The following ROBO2 variants were observed in gnomAD, a reference collection of about 807,000 sequenced individuals.
ROBO2 encodes the protein roundabout homolog 2.
ROBO2 carries 53 observed loss-of-function variants against 160.8 expected under a neutral mutation model. That is an observed-to-expected ratio of 0.33 (90% confidence interval 0.26 to 0.41). The LOEUF (loss-of-function observed/expected upper bound fraction) is 0.41. Among genes scored for constraint, ROBO2 ranks in the 10% least tolerant of loss-of-function variants. ROBO2 has a pLI of 1.00. For missense variants in ROBO2, 1,577 were observed against 1,722.4 expected (o/e 0.92, Z 1.49); for synonymous variants, 664 against 611.7 (o/e 1.09, Z -1.26).
At chr3:77,158,558 C>A (rs2078213714) in intron 2 of ROBO2, among the ~76,000 whole-genome samples, 1 of 151,834 alleles carries the variant, frequency 6.6e-6, no homozygotes, top group Non-Finnish European at 1.5e-5. Context: ...AAGAATAGGG[C>A]CAGGGGATAA....
chr3:76,755,891 T>A (rs1240470846), intron 2 of ROBO2, among the ~76,000 whole-genome samples: 1 of 151,880 alleles, frequency 6.6e-6, no homozygotes, highest in Non-Finnish European at 1.5e-5. Flanking sequence ...CCAACCATTG[T>A]ATCCCTTCCT....
At chr3:75,937,841 T>A (rs796908932) in intron 2 of ROBO2, among the ~76,000 whole-genome samples, 12 of 105,528 alleles carry the variant, frequency 1.1e-4, no homozygotes, top group African/African-American at 5.0e-4. Context: ...GGAATTGATT[T>A]TATATATATA....
At chr3:76,647,065 G>C (rs1172625829) in intron 2 of ROBO2, among the ~76,000 whole-genome samples, 2 of 152,076 alleles carry the variant, frequency 1.3e-5, no homozygotes, top group African/African-American at 4.8e-5. Context: ...AAAAAGGGGA[G>C]GGCCCTATGA....
chr3:76,140,300 T>A (rs2071582588), intron 2 of ROBO2, among the ~76,000 whole-genome samples: 1 of 152,078 alleles, frequency 6.6e-6, no homozygotes, highest in African/African-American at 2.4e-5. Context: ...TTATAAATAA[T>A]ATTGTCTAAA....
chr3:76,662,040 A>C (rs2091843884), intron 2 of ROBO2, among the ~76,000 whole-genome samples: 1 of 152,118 alleles, frequency 6.6e-6, no homozygotes. Flanking sequence ...GTTCATTTTA[A>C]TGTTAACGCT....
chr3:76,745,774 C>G (rs530377600), intron 2 of ROBO2, among the ~76,000 whole-genome samples: 20 of 149,836 alleles, frequency 1.3e-4, no homozygotes, highest in African/African-American at 3.9e-4. Context: ...TAAAAATACT[C>G]AAATAATTTT....
intron 2 of ROBO2, among the ~76,000 whole-genome samples, chr3:76,036,888 T>C (rs1281840532): frequency 6.6e-6 from 1 of 152,030 alleles, no homozygotes; most frequent in Non-Finnish European, 1.5e-5. Context: ...AAAATTAAGA[T>C]AAACCTTTCC....
intron 2 of ROBO2, among the ~76,000 whole-genome samples, chr3:76,479,352 A>C (rs1461679494): frequency 6.6e-6 from 1 of 152,172 alleles, no homozygotes; most frequent in East Asian, 1.9e-4. Flanking sequence ...ATTTTTGCCT[A>C]AACTTCAAGT....
At chr3:76,213,682 G>A (rs902242163) in intron 2 of ROBO2, among the ~76,000 whole-genome samples, 7 of 152,070 alleles carry the variant, frequency 4.6e-5, no homozygotes, top group African/African-American at 1.4e-4. Flanking sequence ...TGCACATAAA[G>A]GTAGAAAATC....
chr3:76,962,449 A>G (rs2079738306), intron 2 of ROBO2, among the ~76,000 whole-genome samples: 5 of 151,372 alleles, frequency 3.3e-5, no homozygotes, highest in Admixed American at 3.3e-4. Context: ...GACCAGCCTG[A>G]CCAACATGGA....
chr3:75,977,095 T>C (rs2065152776), intron 2 of ROBO2, among the ~76,000 whole-genome samples: 1 of 151,608 alleles, frequency 6.6e-6, no homozygotes, highest in South Asian at 2.1e-4. Flanking sequence ...TTTTTGTGCA[T>C]AGAATTATAT....
intron 2 of ROBO2, among the ~76,000 whole-genome samples, chr3:77,165,425 G>C (rs375544239): frequency 2.0e-4 from 30 of 147,932 alleles, no homozygotes; most frequent in South Asian, 1.1e-3. Flanking sequence ...CAAACACTGC[G>C]GAAGGCCGCA....
intron 2 of ROBO2, among the ~76,000 whole-genome samples, chr3:76,689,794 C>T (rs1396574347): frequency 1.3e-5 from 2 of 152,038 alleles, no homozygotes; most frequent in Admixed American, 1.3e-4. Flanking sequence ...TTCTTTTTTC[C>T]TCTTTGCCCA....
chr3:75,927,010 GA>G (rs1411424048), intron 1 of ROBO2, among the ~76,000 whole-genome samples: 1 of 152,136 alleles, frequency 6.6e-6, no homozygotes, highest in Non-Finnish European at 1.5e-5. Flanking sequence ...TTTATCATTT[GA>G]GTACGCTCTC....
intron 1 of ROBO2, among the ~76,000 whole-genome samples, chr3:77,095,766 GT>G (rs558096971): frequency 1.5e-3 from 230 of 152,168 alleles, no homozygotes; most frequent in Non-Finnish European, 2.8e-3. Flanking sequence ...ATACTTTGGG[GT>G]CTTTCTTGAT....
intron 2 of ROBO2, among the ~76,000 whole-genome samples, chr3:76,551,452 C>T (rs1170286638): frequency 1.3e-5 from 2 of 152,102 alleles, no homozygotes; most frequent in East Asian, 3.9e-4. Flanking sequence ...CTCATTCATC[C>T]TGGACGTGGG....
intron 2 of ROBO2, among the ~76,000 whole-genome samples, chr3:76,720,784 G>A (rs1576225732): frequency 6.6e-6 from 1 of 152,178 alleles, no homozygotes; most frequent in Admixed American, 6.5e-5. Flanking sequence ...CTTTTGCAAA[G>A]CCTGCCACTG....
intron 2 of ROBO2, among the ~76,000 whole-genome samples, chr3:76,741,116 T>C (rs914461572): frequency 6.6e-6 from 1 of 152,046 alleles, no homozygotes; most frequent in African/African-American, 2.4e-5. Context: ...CTCATTGCTT[T>C]GGTGGGGACT....
At chr3:76,850,703 A>T (rs2069254582) in intron 2 of ROBO2, among the ~76,000 whole-genome samples, 1 of 152,036 alleles carries the variant, frequency 6.6e-6, no homozygotes, top group African/African-American at 2.4e-5. Flanking sequence ...TGGCCTCTGG[A>T]TCTGCTTTCA....
Sources: gnomAD v4.1 joint callset for allele counts (sites outside exome capture counted in the v4.1 genomes callset) on GRCh38, gnomAD v4.1.1 for gene constraint, MANE v1.5 for transcripts, NCBI Gene and HGNC (gene_info 2026-07-23, HGNC 2026-07-21) for gene names.